CDH4: variants seen among roughly 807,000 people sequenced by gnomAD.
The protein encoded by CDH4 is cadherin-4.
Under a neutral mutation model 86.0 loss-of-function variants are expected in CDH4, and 33 were observed. The ratio of observed to expected loss-of-function variants is 0.38; its 90% CI spans 0.29 to 0.51. The LOEUF (loss-of-function observed/expected upper bound fraction) is 0.51. CDH4 is among the 20% of genes least tolerant of loss of function. The pLI is 0.86. For synonymous variants in CDH4, 555 were observed against 549.4 expected, an observed-to-expected ratio of 1.01 and a Z score of -0.14; for missense variants, 1,114 against 1,307.4, an observed-to-expected ratio of 0.85 and a Z score of 2.28.
chr20:61,373,342 G>C (rs2084850556), intron 2 of CDH4, among the ~76,000 whole-genome samples: 1 of 152,232 alleles, frequency 6.6e-6, no homozygotes, highest in East Asian at 1.9e-4. Flanking sequence ...ATCCCGAGCA[G>C]GAGGGCTTGC....
chr20:61,925,787 C>T (rs1172651931), intron 11 of CDH4, among the ~76,000 whole-genome samples: 2 of 152,166 alleles, frequency 1.3e-5, no homozygotes, highest in Non-Finnish European at 2.9e-5. Flanking sequence ...CGGCATGGCC[C>T]AGAATGGCTG....
At chr20:61,806,859 C>T (rs1182251310) in intron 4 of CDH4, among the ~76,000 whole-genome samples, 1 of 152,116 alleles carries the variant, frequency 6.6e-6, no homozygotes, top group Non-Finnish European at 1.5e-5. Context: ...TGTTTTGTGC[C>T]TGTTCCTGTC....
intron 4 of CDH4, among the ~76,000 whole-genome samples, chr20:61,825,010 G>T (rs938368578): frequency 6.6e-6 from 1 of 152,104 alleles, no homozygotes; most frequent in African/African-American, 2.4e-5. Flanking sequence ...GCTATAACTG[G>T]GTTTATGGCA....
At chr20:61,545,656 A>G (rs73914838) in intron 2 of CDH4, among the ~76,000 whole-genome samples, 4,631 of 152,278 alleles carry the variant, frequency 0.03, 214 homozygotes, top group African/African-American at 0.11. Context: ...AGAGCCGTCA[A>G]GAGAACCGGA....
chr20:61,569,527 G>T (rs1360030689), intron 2 of CDH4, among the ~76,000 whole-genome samples: 2 of 151,874 alleles, frequency 1.3e-5, no homozygotes, highest in African/African-American at 4.8e-5. Flanking sequence ...AATTAGTTAT[G>T]GATATCACAC....
intron 9 of CDH4, among the ~76,000 whole-genome samples, chr20:61,916,535 C>T (rs544818784): frequency 3.3e-5 from 5 of 152,244 alleles, no homozygotes; most frequent in Non-Finnish European, 5.9e-5. Flanking sequence ...TCGTTATCAT[C>T]ATCATCATCC....
chr20:61,464,982 T>A (rs1235877878), intron 2 of CDH4, among the ~76,000 whole-genome samples: 1 of 152,220 alleles, frequency 6.6e-6, no homozygotes, highest in Non-Finnish European at 1.5e-5. Context: ...AATGCCAAAT[T>A]TGGATCTTTT....
At chr20:61,706,019 G>A (rs1056808236) in intron 2 of CDH4, among the ~76,000 whole-genome samples, 1 of 152,214 alleles carries the variant, frequency 6.6e-6, no homozygotes, top group Non-Finnish European at 1.5e-5. Flanking sequence ...ACTGGACTTG[G>A]GATCTGAAAG....
chr20:61,799,485 C>A (rs1003761487), intron 4 of CDH4, among the ~76,000 whole-genome samples: 2 of 152,208 alleles, frequency 1.3e-5, no homozygotes, highest in African/African-American at 4.8e-5. Flanking sequence ...ACCATTGGCA[C>A]CTGTGCCCAG....
chr20:61,591,148 T>A (rs1600788179), intron 2 of CDH4, among the ~76,000 whole-genome samples: 1 of 152,168 alleles, frequency 6.6e-6, no homozygotes, highest in East Asian at 1.9e-4. Flanking sequence ...CACCCATTGA[T>A]AAGTACAAGA....
intron 4 of CDH4, among the ~76,000 whole-genome samples, chr20:61,798,254 G>A (rs928957210): frequency 1.3e-5 from 2 of 151,840 alleles, no homozygotes; most frequent in African/African-American, 4.8e-5. Flanking sequence ...GCGGGAGCAC[G>A]CAGCAACAGA....
rs530699411 is a variant in CDH4 at position 61,668,402 on chromosome 20, A to G, written c.170-75161A>G. Among the ~76,000 whole-genome samples, 122 of 152,340 alleles carry G rather than the reference A, an allele frequency of 8.0e-4. 1 individual carries two copies. Among genetic ancestry groups the G allele is most frequent in the African/African-American group, 2.8e-3 (115 of 41,586 alleles). On this transcript the variant is annotated intron_variant, in intron 2 of 15. Transcript: ENST00000614565. Reference sequence around the variant, plus strand: ...AAAGGAAGCACAAAACCCTCTGCACATGACCCTGAGAACACACGGTGAATC... The same window carrying G: ...AAAGGAAGCACAAAACCCTCTGCACGTGACCCTGAGAACACACGGTGAATC...
At chr20:61,411,189 C>T (rs776424788) in intron 2 of CDH4, among the ~76,000 whole-genome samples, 5 of 151,860 alleles carry the variant, frequency 3.3e-5, no homozygotes, top group African/African-American at 7.3e-5. Flanking sequence ...CCATGACCAA[C>T]AAGGCTAATG....
chr20:61,633,095 T>TATCC (rs1250155936), intron 2 of CDH4, among the ~76,000 whole-genome samples: 3 of 150,566 alleles, frequency 2.0e-5, no homozygotes, highest in Non-Finnish European at 4.4e-5. Flanking sequence ...TCTGTTCATC[T>TATCC]ATCCATCCAT....
chr20:61,619,298 C>T (rs942447511), intron 2 of CDH4, among the ~76,000 whole-genome samples: 3 of 152,198 alleles, frequency 2.0e-5, no homozygotes, highest in African/African-American at 4.8e-5. Flanking sequence ...CCTCCGCGTG[C>T]CCCCCACTCC....
chr20:61,386,398 A>G (rs2084950886), intron 2 of CDH4, among the ~76,000 whole-genome samples: 1 of 151,836 alleles, frequency 6.6e-6, no homozygotes, highest in African/African-American at 2.4e-5. Flanking sequence ...CCTCCCAGCC[A>G]CCTCTCTCTC....
At chr20:61,382,138 G>T (rs912656129) in intron 2 of CDH4, among the ~76,000 whole-genome samples, 4 of 152,116 alleles carry the variant, frequency 2.6e-5, no homozygotes, top group African/African-American at 9.7e-5. Context: ...AATGTTTAAT[G>T]GAAAGGATAC....
At chr20:61,798,529 C>G (rs573681946) in intron 4 of CDH4, among the ~76,000 whole-genome samples, 3 of 152,352 alleles carry the variant, frequency 2.0e-5, no homozygotes, top group African/African-American at 7.2e-5. Context: ...GAAAACTACT[C>G]AACAGACGCG....
At chr20:61,599,701 TG>T in intron 2 of CDH4, 1 of 563,106 alleles carries the variant, frequency 1.8e-6, no homozygotes, top group Non-Finnish European at 2.3e-6. Flanking sequence ...TCTCTGCGTC[TG>T]GGCTCCTTCA....
Sources: allele counts gnomAD v4.1 joint callset (sites outside exome capture counted in the v4.1 genomes callset), GRCh38; gene constraint gnomAD v4.1.1; transcripts MANE v1.5; gene names NCBI Gene and HGNC (gene_info 2026-07-23, HGNC 2026-07-21).